Variants in TBPL1 observed in about 807,000 individuals in gnomAD.
The protein encoded by TBPL1 is TATA box-binding protein-like 1.
In TBPL1, 4 loss-of-function variants were observed where a neutral mutation model predicts 22.1. The observed-to-expected ratio is 0.18, with a 90% CI of 0.09 to 0.41. TBPL1 has a LOEUF of 0.41. Ranked by LOEUF, TBPL1 falls within the 10% of genes least tolerant of loss-of-function variation. TBPL1 has a pLI of 1.00. For missense variants in TBPL1, 115 were observed against 222.3 expected, an observed-to-expected ratio of 0.52 and a Z score of 3.07; for synonymous variants, 64 against 71.0, an observed-to-expected ratio of 0.90 and a Z score of 0.50.
chr6:133,965,234 A>G (rs1441867005), intron 1 of TBPL1, among the ~76,000 whole-genome samples: 1 of 152,220 alleles, frequency 6.6e-6, no homozygotes, highest in Non-Finnish European at 1.5e-5. Flanking sequence ...ACAAATATCA[A>G]ACTTCTCAGT....
chr6:133,981,513 A>T (rs2114382106), intron 2 of TBPL1, among the ~76,000 whole-genome samples: 1 of 152,330 alleles, frequency 6.6e-6, no homozygotes, highest in African/African-American at 2.4e-5. Context: ...GAGTTGATAG[A>T]CAAGCTGGTG....
rs765114142 is a variant in TBPL1, at chr6:133,984,620, T to G, written c.430T>G (p.Ser144Ala). The G allele has an allele frequency of 1.2e-6, 2 of 1,613,258 alleles. No individual in the cohort carries two copies. The highest frequency in any genetic ancestry group is 1.7e-5 in the Admixed American group (1 of 59,976). ...TCCTGCTGTGTGCTATCGGATAAAA[T>G]CTCTAAGAGCTACATTACAGATTTT... ...LHPAVCYRIK[S>A]LRATLQIFST... The change falls in exon 6 of 7, where the codon TCT (serine) becomes GCT (alanine). Residue 144 changes from serine (S) to alanine (A), a missense_variant. Transcript: ENST00000237264.
At chr6:133,981,008 G>A (rs891112386) in intron 2 of TBPL1, among the ~76,000 whole-genome samples, 22 of 115,768 alleles carry the variant, frequency 1.9e-4, no homozygotes, top group Admixed American at 1.9e-3. Context: ...TCACTCTTCC[G>A]CCAGGCTGGA....
Position 133,987,355 on chromosome 6 carries a change from T to C in TBPL1, c.*315T>C, listed in dbSNP as rs1776546392. The C allele has an allele frequency of 6.0e-6, 1 of 167,974 alleles. No homozygotes were observed. Among genetic ancestry groups the C allele is most frequent in the African/African-American group, 2.4e-5 (1 of 42,152 alleles). The allele number at this position is 167,974 out of a possible 1,614,324, so 10.4% of individuals were successfully genotyped here. A position where few individuals can be genotyped will look rare whatever the true frequency, so the allele number is the denominator to read the frequency against. ...GATTGTTTTATTGTCGTCATTGTTATTTTTTTCCATTTTGAGCTAATGTGT... is the reference window on the plus strand; with the variant it reads ...GATTGTTTTATTGTCGTCATTGTTACTTTTTTCCATTTTGAGCTAATGTGT... On this transcript the variant is annotated 3_prime_UTR_variant, in exon 7 of 7. Coordinates refer to ENST00000237264, the MANE Select transcript of TBPL1 (RefSeq NM_004865.4).
chr6:133,967,252 G>A (rs139866810), intron 1 of TBPL1, among the ~76,000 whole-genome samples: 89 of 152,284 alleles, frequency 5.8e-4, no homozygotes, highest in African/African-American at 2.0e-3. Context: ...ATTGAATGAA[G>A]GTGATGCTCA....
intron 6 of TBPL1, among the ~76,000 whole-genome samples, chr6:133,985,273 G>A (rs1776487447): frequency 3.2e-5 from 1 of 30,808 alleles, no homozygotes; most frequent in Non-Finnish European, 5.2e-5. Flanking sequence ...GTGAGACTCT[G>A]TCTAAAAAAA....
chr6:133,954,442 T>C (rs866877811), intron 1 of TBPL1, among the ~76,000 whole-genome samples: 1 of 152,252 alleles, frequency 6.6e-6, no homozygotes, highest in Non-Finnish European at 1.5e-5. Flanking sequence ...TTCCTTCCTA[T>C]TGAGAAGTGA....
intron 6 of TBPL1, among the ~76,000 whole-genome samples, chr6:133,985,335 T>TATATATATATATATAC (rs1582586765): frequency 9.4e-6 from 1 of 106,600 alleles, no homozygotes; most frequent in East Asian, 2.5e-4. Context: ...TATATATATA[T>TATATATATATATATAC]ATACACACAT....
chr6:133,985,902 T>C (rs372628634), intron 6 of TBPL1: 10 of 152,258 alleles, frequency 6.6e-5, no homozygotes, highest in African/African-American at 2.2e-4. Context: ...TTCTACACTT[T>C]GGAGCATGGA....
intron 1 of TBPL1, among the ~76,000 whole-genome samples, chr6:133,977,974 T>G (rs547287194): frequency 2.0e-5 from 3 of 152,354 alleles, no homozygotes; most frequent in African/African-American, 7.2e-5. Context: ...CATAACCATT[T>G]TATTTTATGT....
chr6:133,960,921 A>G (rs1380050905), intron 1 of TBPL1, among the ~76,000 whole-genome samples: 1 of 152,242 alleles, frequency 6.6e-6, no homozygotes, highest in Non-Finnish European at 1.5e-5. Flanking sequence ...TGTTTTAATT[A>G]AAATAATTCT....
intron 1 of TBPL1, among the ~76,000 whole-genome samples, chr6:133,953,699 C>A (rs1775878258): frequency 6.6e-6 from 1 of 151,944 alleles, no homozygotes; most frequent in African/African-American, 2.4e-5. Context: ...TACCTGGGAG[C>A]GTTACCGAGC....
intron 1 of TBPL1, among the ~76,000 whole-genome samples, chr6:133,974,265 C>T (rs1004772454): frequency 6.6e-6 from 1 of 152,132 alleles, no homozygotes; most frequent in African/African-American, 2.4e-5. Context: ...AGTTCCTTTT[C>T]ATTGGATGTG....
intron 6 of TBPL1, among the ~76,000 whole-genome samples, chr6:133,986,168 A>G (rs1199364253): frequency 6.6e-6 from 1 of 152,174 alleles, no homozygotes; most frequent in African/African-American, 2.4e-5. Context: ...CCTGACCAAG[A>G]TAGGATGTGT....
intron 1 of TBPL1, among the ~76,000 whole-genome samples, chr6:133,957,637 A>G (rs1373371663): frequency 6.6e-6 from 1 of 152,228 alleles, no homozygotes; most frequent in Non-Finnish European, 1.5e-5. Flanking sequence ...TTGGTACAAC[A>G]CTTAAAGAGT....
At position 133,982,853 on chromosome 6, in the gene TBPL1, C is replaced by G. The variant is rs1434340045; in HGVS notation, c.255C>G (p.Ala85=). ...EEAKFGARRL[A]RSLQKLGFQV... Reference sequence around the variant, plus strand: ...CTAAATTTGGTGCCAGACGCTTAGCCCGTAGTCTGCAGAAACTAGGTTTTC... The same window carrying G: ...CTAAATTTGGTGCCAGACGCTTAGCGCGTAGTCTGCAGAAACTAGGTTTTC... The change falls in exon 4 of 7, where the codon GCC becomes GCG. Residue 85 remains alanine, a synonymous_variant. Coordinates refer to ENST00000237264, the MANE Select transcript of TBPL1 (RefSeq NM_004865.4). 6.2e-7 allele frequency: 1 copy of G among 1,610,408 alleles called. No individual in the cohort carries two copies. The highest frequency in any genetic ancestry group is 8.5e-7 in the Non-Finnish European group (1 of 1,179,054).
intron 1 of TBPL1, among the ~76,000 whole-genome samples, chr6:133,976,097 T>G (rs1776307514): frequency 6.6e-6 from 1 of 152,218 alleles, no homozygotes; most frequent in Non-Finnish European, 1.5e-5. Flanking sequence ...GTATATGCAT[T>G]TTCATGAATG....
At chr6:133,976,809 A>G (rs538039009) in intron 1 of TBPL1, among the ~76,000 whole-genome samples, 2 of 152,170 alleles carry the variant, frequency 1.3e-5, no homozygotes, top group East Asian at 3.9e-4. Context: ...CAAGATGGTG[A>G]AACCCTGTCT....
At chr6:133,984,236 C>T in intron 4 of TBPL1, 140 bp from the exon 5 acceptor site, 1 of 587,846 alleles carries the variant, frequency 1.7e-6, no homozygotes, top group East Asian at 2.9e-5. Context: ...CCATGCTACA[C>T]AACTTACAGT....
Sources: allele counts gnomAD v4.1 joint callset (sites outside exome capture counted in the v4.1 genomes callset), GRCh38; gene constraint gnomAD v4.1.1; transcripts MANE v1.5; gene names NCBI Gene and HGNC (gene_info 2026-07-23, HGNC 2026-07-21).